The following RIPK1 variants were observed in gnomAD, a reference collection of about 807,000 sequenced individuals.
RIPK1 encodes the protein receptor interacting serine/threonine kinase 1, also known as receptor-interacting serine/threonine-protein kinase 1.
A neutral mutation model predicts 62.4 loss-of-function variants in RIPK1; 27 were observed. That is an observed-to-expected ratio of 0.43 (90% CI 0.32 to 0.60). The LOEUF (loss-of-function observed/expected upper bound fraction) is 0.60. Ranked by LOEUF, RIPK1 falls within the 20% of genes least tolerant of loss-of-function variation. The pLI is 0.07. For missense variants in RIPK1, 735 were observed against 831.0 expected, an observed-to-expected ratio of 0.88 and a Z score of 1.42; for synonymous variants, 287 against 303.2, an observed-to-expected ratio of 0.95 and a Z score of 0.55.
At chr6:3,085,703 T>A (rs1759650749) in intron 6 of RIPK1, among the ~76,000 whole-genome samples, 1 of 152,250 alleles carries the variant, frequency 6.6e-6, no homozygotes, top group East Asian at 1.9e-4. Context: ...AGTGCACTGT[T>A]CAGGGGCAGT....
intron 7 of RIPK1, among the ~76,000 whole-genome samples, chr6:3,098,891 G>T (rs1191958051): frequency 6.6e-6 from 1 of 152,206 alleles, no homozygotes; most frequent in Non-Finnish European, 1.5e-5. Flanking sequence ...CCTCAGGCTT[G>T]TCCCACGTCA....
intron 9 of RIPK1, among the ~76,000 whole-genome samples, chr6:3,107,061 G>C (rs1048220059): frequency 1.3e-5 from 2 of 151,862 alleles, no homozygotes; most frequent in Non-Finnish European, 2.9e-5. Flanking sequence ...GACCAGCCTG[G>C]CTAACATGGT....
At chr6:3,096,157 A>T (rs1760279393) in intron 7 of RIPK1, among the ~76,000 whole-genome samples, 1 of 152,200 alleles carries the variant, frequency 6.6e-6, no homozygotes, top group Admixed American at 6.5e-5. Flanking sequence ...CTGAAATAAT[A>T]TGCAAGACCA....
intron 4 of RIPK1, 94 bp from the exon 5 acceptor site, chr6:3,082,991 C>A: frequency 1.6e-6 from 2 of 1,216,958 alleles, no homozygotes; most frequent in Non-Finnish European, 1.2e-6. Flanking sequence ...TTTACCGTAC[C>A]TTATGTATAA....
chr6:3,079,198 G>A (rs1759249722), intron 3 of RIPK1, among the ~76,000 whole-genome samples: 1 of 152,160 alleles, frequency 6.6e-6, no homozygotes, highest in Non-Finnish European at 1.5e-5. Flanking sequence ...TCCTGCCTCA[G>A]CCTCTTGAGT....
rs561445870 is a variant in RIPK1 at position 3,112,972 on chromosome 6, T to C, written c.1730-81T>C. 15 of 1,230,228 alleles carry C rather than the reference T, an allele frequency of 1.2e-5. No individual in the cohort carries two copies. The South Asian group carries it at 2.2e-4, about 18-fold the overall frequency. The allele number at this position is 1,230,228 out of a possible 1,614,324, so 76.2% of individuals were successfully genotyped here. The stretch of plus-strand genomic sequence containing the variant: ...TGTCTTCTGGTACTCTTCATTTCAC[T>C]TGGGTTTTTTAGCAATTCAGGAAGC... On this transcript the variant is annotated intron_variant, in intron 10 of 10. Coordinates refer to ENST00000259808, the MANE Select transcript of RIPK1 (RefSeq NM_001354930.2).
chr6:3,090,316 C>T (rs1006189576), intron 7 of RIPK1, among the ~76,000 whole-genome samples: 2 of 152,126 alleles, frequency 1.3e-5, no homozygotes, highest in African/African-American at 4.8e-5. Context: ...ACTCTGGAAT[C>T]AAGCTACTGC....
In RIPK1 at chr6:3,090,787, C is replaced by T. The variant is rs561207250; in HGVS notation, c.915+1130C>T. ...GCACCTACCTGCCGCACCTAGTAAC[C>T]GCAGAGCGCCTACCTGCCGCACCTA... is the stretch of plus-strand genomic sequence containing the variant. On this transcript the variant is annotated intron_variant, in intron 7 of 10. Transcript: ENST00000259808. 4.1e-4 allele frequency among the ~76,000 whole-genome samples: 61 copies of T among 147,726 alleles called. 5 individuals are homozygous for T. Among genetic ancestry groups the T allele is most frequent in the African/African-American group, 1.5e-3 (58 of 38,000 alleles).
Position 3,114,172 on chromosome 6 carries a change from G to C in RIPK1, c.*833G>C, listed in dbSNP as rs1323738306. 6.6e-6 allele frequency: 1 copy of C among 152,188 alleles called. No individual in the cohort carries two copies. The allele number at this position is 152,188 out of a possible 1,614,324, so 9.4% of individuals were successfully genotyped here. A position where few individuals can be genotyped will look rare whatever the true frequency, so the allele number is the denominator to read the frequency against. Reference sequence around the variant, plus strand: ...GTGACTACAACAAAAATTCTTGATTGACTTTTAAAGTTATTTCCTGGCATT... The same window carrying C: ...GTGACTACAACAAAAATTCTTGATTCACTTTTAAAGTTATTTCCTGGCATT... On this transcript the variant is annotated 3_prime_UTR_variant, in exon 11 of 11. Transcript: ENST00000259808. The surrounding 1 kb of genome is among the most constrained non-coding windows in gnomAD (Gnocchi z 5.0).
At chr6:3,085,216 C>T (rs1759624660) in intron 5 of RIPK1, 43 bp from the exon 6 acceptor site, 1 of 1,611,176 alleles carries the variant, frequency 6.2e-7, no homozygotes, top group Non-Finnish European at 8.5e-7. Context: ...ACCTTCCTGC[C>T]TGAGAGAGGA....
At chr6:3,065,848 G>C (rs989529815), upstream of RIPK1, among the ~76,000 whole-genome samples, 1 of 152,166 alleles carries the variant, frequency 6.6e-6, no homozygotes, top group African/African-American at 2.4e-5. Context: ...CATGGCTTTT[G>C]CTGGGAGTAA....
intron 7 of RIPK1, among the ~76,000 whole-genome samples, chr6:3,096,806 G>A (rs530491557): frequency 3.0e-4 from 45 of 151,300 alleles, no homozygotes; most frequent in Middle Eastern, 3.4e-3. Flanking sequence ...TGATCTGCCC[G>A]TCTCAGCCTC....
intron 5 of RIPK1, among the ~76,000 whole-genome samples, chr6:3,084,591 CTT>C (rs55789041): frequency 2.2e-5 from 3 of 134,640 alleles, no homozygotes; most frequent in South Asian, 2.3e-4. Context: ...CTTGTACATC[CTT>C]TTTTTTTTTT....
intron 1 of RIPK1, among the ~76,000 whole-genome samples, chr6:3,075,392 A>G (rs751954901): frequency 2.0e-5 from 3 of 152,228 alleles, no homozygotes; most frequent in Admixed American, 6.5e-5. Context: ...GACACTGTAT[A>G]CTTCACAGCC....
intron 6 of RIPK1, among the ~76,000 whole-genome samples, chr6:3,086,404 G>T (rs116751065): frequency 6.6e-6 from 1 of 152,080 alleles, no homozygotes; most frequent in Admixed American, 6.5e-5. Context: ...TTTTATGTTC[G>T]GTGTCCGAGT....
chr6:3,073,274 AC>A (rs1758852163), intron 1 of RIPK1, among the ~76,000 whole-genome samples: 1 of 151,414 alleles, frequency 6.6e-6, no homozygotes, highest in African/African-American at 2.4e-5. Flanking sequence ...ATATACATAT[AC>A]AAATATATGT....
chr6:3,086,454 G>C (rs1285965995), intron 6 of RIPK1, among the ~76,000 whole-genome samples: 1 of 152,196 alleles, frequency 6.6e-6, no homozygotes, highest in Non-Finnish European at 1.5e-5. Flanking sequence ...GGGGTACCCA[G>C]GCTCCTCACA....
At chr6:3,106,090 T>C (rs763199742) in intron 9 of RIPK1, 39 bp downstream of exon 9, 1 of 1,427,180 alleles carries the variant, frequency 7.0e-7, no homozygotes, top group African/African-American at 1.4e-5. Context: ...TGTCTTTTTT[T>C]ATTTTTCAGA....
At chr6:3,098,011 C>T (rs1483039858) in intron 7 of RIPK1, among the ~76,000 whole-genome samples, 3 of 152,230 alleles carry the variant, frequency 2.0e-5, no homozygotes, top group Non-Finnish European at 4.4e-5. Flanking sequence ...GCCTGGGCAA[C>T]ATAGTGAGAC....
Sources: gnomAD v4.1 joint callset for allele counts (sites outside exome capture counted in the v4.1 genomes callset) on GRCh38, gnomAD v4.1.1 for gene constraint, Gnocchi (gnomAD v3.1) non-coding constraint, MANE v1.5 for transcripts, NCBI Gene and HGNC (gene_info 2026-07-23, HGNC 2026-07-21) for gene names.